The following SASS6 variants were observed in gnomAD, a reference collection of about 807,000 sequenced individuals.
SASS6 encodes the protein SAS-6 centriolar assembly protein.
Under a neutral mutation model 94.9 loss-of-function variants are expected in SASS6, and 59 were observed. The ratio of observed to expected loss-of-function variants is 0.62; its 90% CI spans 0.50 to 0.77. The LOEUF (loss-of-function observed/expected upper bound fraction) is 0.77. SASS6 is among the 30% of genes least tolerant of loss of function. SASS6 has a pLI of 0.00. For synonymous variants in SASS6, 264 were observed against 270.0 expected, an observed-to-expected ratio of 0.98 and a Z score of 0.22; for missense variants, 698 against 734.1, an observed-to-expected ratio of 0.95 and a Z score of 0.57.
At chr1:100,132,381 T>G (rs937523640) in intron 1 of SASS6, among the ~76,000 whole-genome samples, 2 of 152,192 alleles carry the variant, frequency 1.3e-5, no homozygotes, top group African/African-American at 4.8e-5. Flanking sequence ...GTTCTAGTCC[T>G]GACCCTGCCA....
chr1:100,121,747 G>C (rs529317109), intron 4 of SASS6, among the ~76,000 whole-genome samples, 198 bp from the exon 5 acceptor site: 8 of 152,218 alleles, frequency 5.3e-5, no homozygotes, highest in Admixed American at 4.6e-4. Context: ...GAGTTCATGA[G>C]AAACAAATGA....
intron 15 of SASS6, among the ~76,000 whole-genome samples, chr1:100,087,764 C>T (rs960195769): frequency 1.3e-5 from 2 of 152,070 alleles, no homozygotes; most frequent in Admixed American, 1.3e-4. Flanking sequence ...CTTCCAGGGA[C>T]AGACATAGCC....
At chr1:100,118,062 G>T (rs900966666) in intron 7 of SASS6, among the ~76,000 whole-genome samples, 4 of 152,220 alleles carry the variant, frequency 2.6e-5, no homozygotes, top group African/African-American at 9.6e-5. Flanking sequence ...GCTCATGCCT[G>T]TAATCCCAGC....
At chr1:100,125,803 GAT>G (rs1411995264) in intron 2 of SASS6, 77 bp downstream of exon 2, 9 of 778,278 alleles carry the variant, frequency 1.2e-5, no homozygotes, top group Non-Finnish European at 1.8e-5. Flanking sequence ...TGCAATAAAA[GAT>G]GTCACATTCT....
At chr1:100,123,184 A>G (rs2101688127) in intron 3 of SASS6, 26 bp downstream of exon 3, 1 of 959,872 alleles carries the variant, frequency 1.0e-6, no homozygotes, top group Non-Finnish European at 1.6e-6. Flanking sequence ...TTCACTAAAT[A>G]TAAGATCAGA....
chr1:100,112,149 A>C (rs1465113100), intron 7 of SASS6, among the ~76,000 whole-genome samples: 2 of 152,178 alleles, frequency 1.3e-5, no homozygotes, highest in Non-Finnish European at 2.9e-5. Context: ...GTCTAACAGA[A>C]AAGGGAGAAT....
intron 14 of SASS6, among the ~76,000 whole-genome samples, chr1:100,099,785 T>G (rs1652336984): frequency 1.3e-5 from 2 of 152,240 alleles, no homozygotes; most frequent in African/African-American, 4.8e-5. Flanking sequence ...TTGTAGTTCA[T>G]GACCATTGTG....
chr1:100,094,733 A>C (rs1425210369), intron 14 of SASS6, among the ~76,000 whole-genome samples: 2 of 151,822 alleles, frequency 1.3e-5, no homozygotes, highest in African/African-American at 2.4e-5. Flanking sequence ...TGGTGCAGTG[A>C]CAGGCACCTG....
chr1:100,116,429 G>A (rs1457667208), intron 7 of SASS6, among the ~76,000 whole-genome samples: 1 of 152,100 alleles, frequency 6.6e-6, no homozygotes, highest in Non-Finnish European at 1.5e-5. Flanking sequence ...CCATAGAATG[G>A]CAATGTAAAC....
chr1:100,092,692 T>C (rs1377773611), intron 14 of SASS6, among the ~76,000 whole-genome samples: 1 of 151,992 alleles, frequency 6.6e-6, no homozygotes, highest in Non-Finnish European at 1.5e-5. Flanking sequence ...TCTTCTGCCT[T>C]AGCCTCCCGA....
chr1:100,107,277 AAAC>A (rs1479582676), intron 11 of SASS6, 94 bp downstream of exon 11: 23 of 761,988 alleles, frequency 3.0e-5, no homozygotes, highest in Non-Finnish European at 3.9e-5. Flanking sequence ...TTAAAAAAAA[AAAC>A]AAGACCAAAG....
intron 14 of SASS6, among the ~76,000 whole-genome samples, chr1:100,101,496 T>A (rs772142869): frequency 2.6e-5 from 4 of 152,090 alleles, no homozygotes; most frequent in African/African-American, 4.8e-5. Flanking sequence ...TTATAAGCCA[T>A]CTTTAGTCCT....
In SASS6 at chr1:100,122,500, G is replaced by A. The variant is rs1424774627; in HGVS notation, c.207-16C>T. 1 of 1,076,368 alleles carries A rather than the reference G, an allele frequency of 9.3e-7. No individual in the cohort carries two copies. 66.7% of individuals were successfully genotyped at this position (1,076,368 alleles called of 1,614,324 possible). ...GAATTTTAAACTATACAGAAGAAAG[G>A]AAAAGAAATTTTTTAAAAATTTTAA... On this transcript the variant is annotated splice_polypyrimidine_tract_variant and intron_variant, in intron 3 of 16. Coordinates refer to ENST00000287482, the MANE Select transcript of SASS6 (RefSeq NM_194292.3).
In SASS6 at chr1:100,130,389, A is replaced by G. The variant is rs538612508; in HGVS notation, c.65+2361T>C. On this transcript the variant is annotated intron_variant, in intron 1 of 16. Transcript: ENST00000287482. Reference sequence around the variant, plus strand: ...CTGAACTGGCCTCAAATACTCAACCAAGGCGTCTGGGCTGGGCGTGGTGGC... The same window carrying G: ...CTGAACTGGCCTCAAATACTCAACCGAGGCGTCTGGGCTGGGCGTGGTGGC... Among the ~76,000 whole-genome samples, 4 of 152,274 alleles carry G rather than the reference A, an allele frequency of 2.6e-5. No individual in the cohort carries two copies. The South Asian group carries it at 6.2e-4, about 24-fold the overall frequency.
intron 1 of SASS6, among the ~76,000 whole-genome samples, chr1:100,126,798 A>G (rs1654653408): frequency 6.6e-6 from 1 of 152,086 alleles, no homozygotes; most frequent in Non-Finnish European, 1.5e-5. Flanking sequence ...TAAAATAAAA[A>G]CTTAATATGT....
intron 1 of SASS6, among the ~76,000 whole-genome samples, chr1:100,130,919 C>G (rs1654958390): frequency 6.6e-6 from 1 of 152,102 alleles, no homozygotes; most frequent in Admixed American, 6.6e-5. Flanking sequence ...TTTACGAAAA[C>G]AGTGAGCCAA....
rs545423063 is a variant in SASS6 at position 100,113,792 on chromosome 1, A to C, written c.670-3309T>G. On this transcript the variant is annotated intron_variant, in intron 7 of 16. Coordinates refer to ENST00000287482, the MANE Select transcript of SASS6 (RefSeq NM_194292.3). ...TCGCGTTAAACAAAACAAATTAAGA[A>C]CATAAGAGAAATAATATGGAGATTT... Among the ~76,000 whole-genome samples, 46 of 152,198 alleles carry C rather than the reference A, an allele frequency of 3.0e-4. No individual in the cohort carries two copies. In the South Asian group the frequency reaches 6.4e-3, roughly 21 times the overall value.
chr1:100,106,969 C>T lies in SASS6; in HGVS notation c.1351G>A (p.Glu451Lys), dbSNP rs1652955082. 2.1e-6 allele frequency: 3 copies of T among 1,430,062 alleles called. No individual in the cohort carries two copies. Among genetic ancestry groups the T allele is most frequent in the Non-Finnish European group, 3.0e-6 (3 of 1,016,908 alleles). The allele number at this position is 1,430,062 out of a possible 1,614,324, so 88.6% of individuals were successfully genotyped here. A position where few individuals can be genotyped will look rare whatever the true frequency, so the allele number is the denominator to read the frequency against. Residue 451 changes from glutamate (E) to lysine (K), a missense_variant, in exon 12 of 17, where the codon GAA becomes AAA. By Grantham distance (56) the Glu-to-Lys change is moderately conservative. Coordinates refer to ENST00000287482, the MANE Select transcript of SASS6 (RefSeq NM_194292.3). ...TCTTCAAGTTTTTTAACTGTAGCTT[C>T]TAATTGTTCTTGTAATTTGCATACC... ...QEVCKLQEQL[E>K]ATVKKLEESK...
At position 100,105,696 on chromosome 1, in the gene SASS6, C is replaced by T. The variant is rs1476631029; in HGVS notation, c.1545+71G>A. ...TCAGCACCTTAAATCATGGAAACTT[C>T]CTAACAATCTGGAAATACTTTTGTT... On this transcript the variant is annotated intron_variant, in intron 13 of 16. Transcript: ENST00000287482. 99 of 1,467,510 alleles carry T rather than the reference C, an allele frequency of 6.7e-5. 1 individual carries two copies. Among genetic ancestry groups the T allele is most frequent in the Non-Finnish European group, 8.5e-5 (90 of 1,057,840 alleles). 90.9% of individuals were successfully genotyped at this position (1,467,510 alleles called of 1,614,324 possible). A position where few individuals can be genotyped will look rare whatever the true frequency, so the allele number is the denominator to read the frequency against.
Sources: gnomAD v4.1 joint callset for allele counts (sites outside exome capture counted in the v4.1 genomes callset) on GRCh38, gnomAD v4.1.1 for gene constraint, MANE v1.5 for transcripts, NCBI Gene and HGNC (gene_info 2026-07-23, HGNC 2026-07-21) for gene names.